Variants in CLYBL observed in about 807,000 individuals in gnomAD.
CLYBL encodes the protein citramalyl-CoA lyase.
A neutral mutation model predicts 38.9 loss-of-function variants in CLYBL; 31 were observed. That is an observed-to-expected ratio of 0.80 (90% confidence interval 0.60 to 1.08). CLYBL has a LOEUF of 1.08. Among genes scored for constraint, CLYBL ranks in the 50% least tolerant of loss-of-function variants. The pLI is 0.00. For missense variants in CLYBL, 434 were observed against 411.6 expected, an observed-to-expected ratio of 1.05 and a Z score of -0.47; for synonymous variants, 171 against 158.6, an observed-to-expected ratio of 1.08 and a Z score of -0.59.
intron 1 of CLYBL, among the ~76,000 whole-genome samples, chr13:99,714,217 C>T (rs9517847): frequency 0.25 from 38,163 of 152,054 alleles, 6,743 homozygotes; most frequent in African/African-American, 0.5. Context: ...TTGCATTGTC[C>T]GTTTCTCTTG....
chr13:99,665,368 C>G (rs1330505578), intron 1 of CLYBL, among the ~76,000 whole-genome samples: 3 of 151,822 alleles, frequency 2.0e-5, no homozygotes, highest in Non-Finnish European at 4.4e-5. Context: ...TTAAAATTGT[C>G]TAAGTGATAT....
chr13:99,825,868 C>T (rs184785280), intron 2 of CLYBL, among the ~76,000 whole-genome samples: 1 of 152,160 alleles, frequency 6.6e-6, no homozygotes, highest in Non-Finnish European at 1.5e-5. Context: ...TCTTCCTGCC[C>T]GCTGTTTCAG....
chr13:99,751,617 C>G (rs2048959329), intron 1 of CLYBL, among the ~76,000 whole-genome samples: 1 of 152,252 alleles, frequency 6.6e-6, no homozygotes, highest in East Asian at 1.9e-4. Flanking sequence ...TAGTCAAATT[C>G]ATAGAGATGG....
intron 1 of CLYBL, among the ~76,000 whole-genome samples, chr13:99,731,951 T>C (rs1038707961): frequency 1.3e-5 from 2 of 152,124 alleles, no homozygotes; most frequent in Non-Finnish European, 2.9e-5. Context: ...GTGACATACT[T>C]TGGAGCACAG....
chr13:99,748,246 G>A (rs1440980925), intron 1 of CLYBL, among the ~76,000 whole-genome samples: 2 of 151,752 alleles, frequency 1.3e-5, no homozygotes, highest in East Asian at 4.0e-4. Context: ...CAGGCATGGT[G>A]GTGAGTGCCT....
At chr13:99,724,253 T>C (rs2048435707) in intron 1 of CLYBL, among the ~76,000 whole-genome samples, 1 of 152,238 alleles carries the variant, frequency 6.6e-6, no homozygotes, top group Admixed American at 6.5e-5. Flanking sequence ...GTTATTTGGT[T>C]TCTAAGAAGT....
chr13:99,761,292 G>A (rs1375838022), intron 1 of CLYBL, among the ~76,000 whole-genome samples: 4 of 152,200 alleles, frequency 2.6e-5, no homozygotes, highest in South Asian at 4.1e-4. Context: ...GGCGGAGCTT[G>A]CAGTGAGCCA....
intron 1 of CLYBL, among the ~76,000 whole-genome samples, chr13:99,696,910 A>G (rs2047988506): frequency 1.3e-5 from 2 of 152,212 alleles, no homozygotes; most frequent in African/African-American, 2.4e-5. Flanking sequence ...ATTTTTTTCT[A>G]CAAATGTACA....
intron 1 of CLYBL, among the ~76,000 whole-genome samples, chr13:99,621,249 C>G (rs917642734): frequency 6.6e-6 from 1 of 152,144 alleles, no homozygotes; most frequent in Non-Finnish European, 1.5e-5. Context: ...AGTCCAGGCC[C>G]CTTAGTGTGG....
intron 1 of CLYBL, among the ~76,000 whole-genome samples, chr13:99,748,019 T>C (rs2048884564): frequency 6.6e-6 from 1 of 152,172 alleles, no homozygotes; most frequent in South Asian, 2.1e-4. Flanking sequence ...ATGATTATTG[T>C]GCGACCATCC....
At chr13:99,825,798 T>G (rs932486223) in intron 2 of CLYBL, among the ~76,000 whole-genome samples, 1 of 152,192 alleles carries the variant, frequency 6.6e-6, no homozygotes, top group Non-Finnish European at 1.5e-5. Flanking sequence ...CTGGCCGTGA[T>G]TGTAGTAAGT....
chr13:99,782,912 T>C (rs1340357781), intron 2 of CLYBL, among the ~76,000 whole-genome samples: 1 of 151,886 alleles, frequency 6.6e-6, no homozygotes, highest in Non-Finnish European at 1.5e-5. Flanking sequence ...TATCTTCTCA[T>C]ATTTTCTTCT....
At chr13:99,891,657 G>A (rs1292450541) in intron 8 of CLYBL, 4 of 397,366 alleles carry the variant, frequency 1.0e-5, no homozygotes, top group East Asian at 4.7e-5. Flanking sequence ...TACGAATATG[G>A]GCTTATGATT....
chr13:99,788,709 G>A (rs899188145), intron 2 of CLYBL, among the ~76,000 whole-genome samples: 1 of 152,170 alleles, frequency 6.6e-6, no homozygotes, highest in Non-Finnish European at 1.5e-5. Context: ...GATGATGCTG[G>A]CCTCATAAAA....
chr13:99,860,887 T>A (rs2051584563), intron 3 of CLYBL, among the ~76,000 whole-genome samples: 2 of 152,242 alleles, frequency 1.3e-5, no homozygotes, highest in Non-Finnish European at 2.9e-5. Context: ...TGGGTTCTTG[T>A]TTGACTGGCA....
At chr13:99,703,903 C>G (rs2048108146) in intron 1 of CLYBL, among the ~76,000 whole-genome samples, 1 of 152,092 alleles carries the variant, frequency 6.6e-6, no homozygotes, top group Non-Finnish European at 1.5e-5. Flanking sequence ...TAATGTATAG[C>G]ATGCATAAAG....
At chr13:99,770,951 A>G (rs1276535865) in intron 1 of CLYBL, among the ~76,000 whole-genome samples, 1 of 144,034 alleles carries the variant, frequency 6.9e-6, no homozygotes, top group Non-Finnish European at 1.5e-5. Context: ...CCATCTCCTG[A>G]CCTCATGATC....
intron 1 of CLYBL, among the ~76,000 whole-genome samples, chr13:99,657,400 G>C (rs1241664937): frequency 1.3e-5 from 2 of 152,156 alleles, no homozygotes; most frequent in Non-Finnish European, 2.9e-5. Flanking sequence ...TGCTGTGTCA[G>C]GCTCACCGCT....
intron 2 of CLYBL, among the ~76,000 whole-genome samples, chr13:99,779,579 A>T (rs1395894122): frequency 6.6e-6 from 1 of 152,216 alleles, no homozygotes; most frequent in East Asian, 1.9e-4. Flanking sequence ...TGTAAAATAC[A>T]ATACAAATGA....
Sources: allele counts gnomAD v4.1 joint callset (sites outside exome capture counted in the v4.1 genomes callset), GRCh38; gene constraint gnomAD v4.1.1; transcripts MANE v1.5; gene names NCBI Gene and HGNC (gene_info 2026-07-23, HGNC 2026-07-21).